Variants in MICU3 observed in about 807,000 individuals in gnomAD.
MICU3 encodes calcium uptake protein 3, mitochondrial.
MICU3 carries 62 observed loss-of-function variants against 66.5 expected under a neutral mutation model. The observed-to-expected ratio is 0.93, with a 90% CI of 0.76 to 1.15. MICU3 has a LOEUF of 1.15. Among genes scored for constraint, MICU3 ranks in the 50% most tolerant of loss-of-function variants. MICU3 has a pLI of 0.00. For missense variants in MICU3, 779 were observed against 664.4 expected, an observed-to-expected ratio of 1.17 and a Z score of -1.90; for synonymous variants, 308 against 240.7, an observed-to-expected ratio of 1.28 and a Z score of -2.59.
intron 7 of MICU3, among the ~76,000 whole-genome samples, chr8:17,090,225 C>A (rs1054989920): frequency 6.6e-6 from 1 of 152,058 alleles, no homozygotes; most frequent in Non-Finnish European, 1.5e-5. Context: ...TGTAGCATTG[C>A]GGAAGCATGT....
chr8:17,094,550 G>T (rs1427453812), intron 8 of MICU3, among the ~76,000 whole-genome samples: 3 of 151,946 alleles, frequency 2.0e-5, no homozygotes, highest in African/African-American at 7.2e-5. Context: ...GTTTCTCGTA[G>T]CTGTTTTGCA....
chr8:17,047,826 AGAAAT>A (rs1310283344), intron 1 of MICU3, among the ~76,000 whole-genome samples: 2 of 152,264 alleles, frequency 1.3e-5, no homozygotes, highest in African/African-American at 2.4e-5. Flanking sequence ...CATATCAGGA[AGAAAT>A]GAAATGAATT....
chr8:17,078,523 T>G (rs1335804469), intron 4 of MICU3, among the ~76,000 whole-genome samples: 3 of 152,100 alleles, frequency 2.0e-5, no homozygotes, highest in Non-Finnish European at 4.4e-5. Flanking sequence ...TTTTTAATCT[T>G]AAAAAGTAAT....
chr8:17,137,538 A>T, the MICU3 span, among the ~76,000 whole-genome samples: 2 of 139,328 alleles, frequency 1.4e-5, no homozygotes, highest in South Asian at 4.6e-4. Context: ...AAAAAAAAAA[A>T]GGGGGCCCTG....
At chr8:17,057,309 GT>G (rs1817093224) in intron 1 of MICU3, among the ~76,000 whole-genome samples, 1 of 152,126 alleles carries the variant, frequency 6.6e-6, no homozygotes, top group South Asian at 2.1e-4. Flanking sequence ...TCAGGGATGG[GT>G]TGGTTCTAAG....
chr8:17,064,902 T>C (rs530131464), intron 2 of MICU3, among the ~76,000 whole-genome samples: 2 of 152,252 alleles, frequency 1.3e-5, no homozygotes, highest in African/African-American at 4.8e-5. Context: ...GTATCACAAT[T>C]GGCTGGTGGT....
chr8:17,039,232 C>G (rs1201005107), intron 1 of MICU3, among the ~76,000 whole-genome samples: 1 of 152,194 alleles, frequency 6.6e-6, no homozygotes, highest in African/African-American at 2.4e-5. Flanking sequence ...TTTATATGCA[C>G]TGGGAAACCA....
At chr8:17,047,814 T>C (rs1279192535) in intron 1 of MICU3, among the ~76,000 whole-genome samples, 4 of 152,056 alleles carry the variant, frequency 2.6e-5, no homozygotes, top group Non-Finnish European at 5.9e-5. Flanking sequence ...CACTGAAGAG[T>C]GCATATCAGG....
intron 13 of MICU3, 115 bp from the exon 14 acceptor site, chr8:17,118,592 T>C (rs1802917841): frequency 3.3e-6 from 2 of 603,768 alleles, no homozygotes; most frequent in South Asian, 5.6e-5. Flanking sequence ...CCTCTGGTAA[T>C]TAACATTCTA....
chr8:17,116,363 C>A, intron 12 of MICU3, 80 bp from the exon 13 acceptor site: 2 of 961,902 alleles, frequency 2.1e-6, no homozygotes, highest in South Asian at 3.4e-5. Flanking sequence ...AAAACAACTT[C>A]TTTTACAACC....
chr8:17,028,765 G>A (rs1314229092), intron 1 of MICU3, among the ~76,000 whole-genome samples: 1 of 152,020 alleles, frequency 6.6e-6, no homozygotes, highest in Non-Finnish European at 1.5e-5. Flanking sequence ...CAAAATACTA[G>A]GAAATACCCT....
intron 8 of MICU3, 26 bp from the exon 9 acceptor site, chr8:17,098,432 A>G (rs1585490853): frequency 7.4e-7 from 1 of 1,349,094 alleles, no homozygotes; most frequent in African/African-American, 1.4e-5. Context: ...TTTAGATTTC[A>G]GTTGTGCTTC....
chr8:17,035,047 A>G (rs747666923), intron 1 of MICU3, among the ~76,000 whole-genome samples: 67 of 152,148 alleles, frequency 4.4e-4, no homozygotes, highest in Non-Finnish European at 7.6e-4. Context: ...ATGATAGTGA[A>G]TAAGTCTCAC....
chr8:17,027,936 A>T (rs1811309734), intron 1 of MICU3, among the ~76,000 whole-genome samples: 1 of 152,034 alleles, frequency 6.6e-6, no homozygotes. Context: ...TCCCCCTCTT[A>T]CAAAAAAAGA....
chr8:17,136,859 G>A, the MICU3 span, among the ~76,000 whole-genome samples: 27 of 147,896 alleles, frequency 1.8e-4, no homozygotes, highest in Admixed American at 1.3e-3. Context: ...TTTTTGAGAC[G>A]GAGTCTCTCT....
chr8:17,077,872 C>A lies in MICU3; in HGVS notation c.646+11C>A, dbSNP rs771633578. 3.2e-6 allele frequency: 5 copies of A among 1,566,914 alleles called. No homozygotes were observed. Among genetic ancestry groups the A allele is most frequent in the African/African-American group, 1.4e-5 (1 of 73,632 alleles). Reference sequence around the variant, plus strand: ...ATCTTAAAGAAAAAGGTGAGTTAACCTTAGTACTTGTTCTTTTTTTAAACT... The same window carrying A: ...ATCTTAAAGAAAAAGGTGAGTTAACATTAGTACTTGTTCTTTTTTTAAACT... On this transcript the variant is annotated intron_variant, in intron 4 of 14. Transcript: ENST00000318063.
intron 1 of MICU3, among the ~76,000 whole-genome samples, chr8:17,052,109 A>C (rs182316561): frequency 1.8e-4 from 27 of 152,322 alleles, no homozygotes; most frequent in Middle Eastern, 3.4e-3. Flanking sequence ...GTCATCTTTC[A>C]ATCAAATAAT....
At chr8:17,088,371 C>T (rs931518865) in intron 7 of MICU3, among the ~76,000 whole-genome samples, 1 of 151,678 alleles carries the variant, frequency 6.6e-6, no homozygotes, top group Non-Finnish European at 1.5e-5. Flanking sequence ...ATGAATAGCC[C>T]CATAATTGCA....
At chr8:17,048,246 GA>G (rs780928720) in intron 1 of MICU3, among the ~76,000 whole-genome samples, 2 of 152,118 alleles carry the variant, frequency 1.3e-5, no homozygotes, top group Non-Finnish European at 2.9e-5. Flanking sequence ...AATGGAAAAA[GA>G]TATTTATAGT....
Sources: allele counts gnomAD v4.1 joint callset (sites outside exome capture counted in the v4.1 genomes callset), GRCh38; gene constraint gnomAD v4.1.1; transcripts MANE v1.5; gene names NCBI Gene and HGNC (gene_info 2026-07-23, HGNC 2026-07-21).